ZFHX3: variants seen among roughly 807,000 people sequenced by gnomAD.
ZFHX3 encodes the protein zinc finger homeobox protein 3.
ZFHX3 carries 42 observed loss-of-function variants against 279.1 expected under a neutral mutation model. That is an observed-to-expected ratio of 0.15 (90% CI 0.12 to 0.19). The LOEUF is 0.19. ZFHX3 is among the 10% of genes least tolerant of loss of function. ZFHX3 has a pLI of 1.00. For synonymous variants in ZFHX3, 2,293 were observed against 1,957.8 expected (o/e 1.17, Z -4.52); for missense variants, 4,981 against 4,754.0 (o/e 1.05, Z -1.40).
intron 3 of ZFHX3, among the ~76,000 whole-genome samples, chr16:73,339,450 A>G (rs1328764436): frequency 6.6e-6 from 1 of 152,264 alleles, no homozygotes; most frequent in Admixed American, 6.5e-5. Flanking sequence ...AAATGAACTC[A>G]AATAGTGGTT....
At chr16:73,171,064 C>A (rs1176667477) in intron 5 of ZFHX3, among the ~76,000 whole-genome samples, 3 of 152,144 alleles carry the variant, frequency 2.0e-5, no homozygotes, top group Non-Finnish European at 2.9e-5. Context: ...TTTTCTCCAT[C>A]ATTTGGGAAC....
At chr16:73,210,893 A>T (rs2144909787) in intron 5 of ZFHX3, among the ~76,000 whole-genome samples, 1 of 152,294 alleles carries the variant, frequency 6.6e-6, no homozygotes, top group African/African-American at 2.4e-5. Flanking sequence ...TGGGATGCAC[A>T]GATAGCAAAA....
At chr16:73,179,595 C>G (rs1454091627) in intron 5 of ZFHX3, among the ~76,000 whole-genome samples, 1 of 152,154 alleles carries the variant, frequency 6.6e-6, no homozygotes, top group African/African-American at 2.4e-5. Context: ...AAACTGCTCA[C>G]GTGGAAATTG....
intron 3 of ZFHX3, among the ~76,000 whole-genome samples, chr16:73,422,197 ATT>A (rs34462342): frequency 0.035 from 5,049 of 144,460 alleles, 216 homozygotes; most frequent in South Asian, 0.12. Context: ...TTTTCAGAAG[ATT>A]TTTTTTTTTT....
chr16:73,481,412 C>A (rs1280069030), intron 2 of ZFHX3, among the ~76,000 whole-genome samples: 1 of 151,718 alleles, frequency 6.6e-6, no homozygotes, highest in Non-Finnish European at 1.5e-5. Flanking sequence ...CTCTTCTCCC[C>A]TTACCAAATT....
At chr16:73,596,382 A>G (rs909531845) in intron 2 of ZFHX3, among the ~76,000 whole-genome samples, 12 of 152,078 alleles carry the variant, frequency 7.9e-5, no homozygotes, top group Non-Finnish European at 1.8e-4. Flanking sequence ...TTGCTAAACT[A>G]TAGCTCTGTC....
At chr16:72,977,270 G>A (rs1228703450) in intron 1 of ZFHX3, among the ~76,000 whole-genome samples, 1 of 152,088 alleles carries the variant, frequency 6.6e-6, no homozygotes, top group African/African-American at 2.4e-5. Flanking sequence ...CAGTGCAGCA[G>A]GTTCCAGACG....
At chr16:73,540,962 A>C (rs998768152) in intron 2 of ZFHX3, among the ~76,000 whole-genome samples, 10 of 152,096 alleles carry the variant, frequency 6.6e-5, no homozygotes, top group Admixed American at 6.5e-4. Context: ...CTCTTTTAGA[A>C]TAGATGGTAG....
At chr16:73,721,512 T>G (rs2053473579) in intron 1 of ZFHX3, among the ~76,000 whole-genome samples, 1 of 152,202 alleles carries the variant, frequency 6.6e-6, no homozygotes, top group African/African-American at 2.4e-5. Context: ...TCTGTATTAG[T>G]GAGCTAGGAT....
chr16:72,795,014 C>T lies in ZFHX3; in HGVS notation c.7668G>A (p.Ala2556=), dbSNP rs375390328. ...ACTGGGGGTGGATGAACTGGTTCTG[C>T]GCGCTCAGGAAGTGGAGCTGCTGAT... is the stretch of plus-strand genomic sequence containing the variant. The part of the protein sequence containing the change: ...QEHQQLHFLS[A]QNQFIHPQFL... Residue 2556 remains alanine, a synonymous_variant, in exon 9 of 10, where the codon GCG becomes GCA. Transcript: ENST00000268489. 7.9e-5 allele frequency: 128 copies of T among 1,614,018 alleles called. No homozygotes were observed. Among genetic ancestry groups the T allele is most frequent in the Non-Finnish European group, 9.2e-5 (108 of 1,180,032 alleles).
intron 6 of ZFHX3, among the ~76,000 whole-genome samples, chr16:73,136,360 T>C (rs1966792298): frequency 6.6e-6 from 1 of 152,178 alleles, no homozygotes; most frequent in Admixed American, 6.5e-5. Context: ...TCCAGTTCTT[T>C]GGTTCCCAAA....
chr16:73,819,095 G>A (rs1006312333), intron 1 of ZFHX3, among the ~76,000 whole-genome samples: 1 of 152,080 alleles, frequency 6.6e-6, no homozygotes, highest in South Asian at 2.1e-4. Flanking sequence ...ATGGTACACC[G>A]TGGAGCTAGT....
In ZFHX3 at chr16:72,950,708, T is replaced by C; in HGVS notation, c.2977A>G (p.Thr993Ala). ...SYQCKLCRYN[T>A]QLKANFQLHC... ...AGCTGGAAGTTGGCCTTGAGCTGGG[T>C]GTTGTAGCGGCAGAGCTTGCACTGG... The change falls in exon 3 of 10, where the codon ACC becomes GCC. Residue 993 changes from threonine (T) to alanine (A), a missense_variant. Around this residue, in one of 7 missense-constraint regions of ZFHX3, gnomAD observed 1,751 missense variants for 1,770.0 expected, o/e 0.99. Transcript: ENST00000268489. The C allele has an allele frequency of 6.2e-7, 1 of 1,614,112 alleles. No homozygotes were observed. The highest frequency in any genetic ancestry group is 8.5e-7 in the Non-Finnish European group (1 of 1,180,008).
chr16:73,057,925 G>T (rs1366758428), intron 1 of ZFHX3, among the ~76,000 whole-genome samples: 1 of 148,300 alleles, frequency 6.7e-6, no homozygotes, highest in Non-Finnish European at 1.5e-5. Flanking sequence ...CCGGGTGCGC[G>T]CCCCGCGCGG....
chr16:73,743,969 C>T (rs150160987), intron 1 of ZFHX3, among the ~76,000 whole-genome samples: 16 of 152,274 alleles, frequency 1.1e-4, no homozygotes, highest in Non-Finnish European at 2.2e-4. Context: ...ATGACATCCT[C>T]TCTACATAAC....
At chr16:73,784,376 G>T (rs1381759674) in intron 1 of ZFHX3, among the ~76,000 whole-genome samples, 1 of 151,868 alleles carries the variant, frequency 6.6e-6, no homozygotes, top group Admixed American at 6.6e-5. Context: ...AGCAATACAT[G>T]ATGATCATGG....
Position 73,313,605 on chromosome 16 carries a change from C to T in ZFHX3, c.-1194+4635G>A, listed in dbSNP as rs928301996. On this transcript the variant is annotated intron_variant, in intron 4 of 17. Transcript: ENST00000641206. ...TGAGCGATACACCTGGGTTTTAAAA[C>T]CTGGCACTTCAGACTCCATAGCGGT... Among the ~76,000 whole-genome samples the T allele has an allele frequency of 1.6e-4, 24 of 152,138 alleles. 1 individual carries two copies.
intron 2 of ZFHX3, among the ~76,000 whole-genome samples, chr16:73,540,553 G>A (rs1244853768): frequency 1.3e-5 from 2 of 152,150 alleles, no homozygotes; most frequent in African/African-American, 2.4e-5. Flanking sequence ...GCAGGAAGAG[G>A]ATCAAGAGTT....
intron 4 of ZFHX3, among the ~76,000 whole-genome samples, chr16:72,839,108 A>G (rs1037956033): frequency 1.3e-5 from 2 of 152,164 alleles, no homozygotes; most frequent in African/African-American, 4.8e-5. Context: ...AATGTAAAAA[A>G]GGCAAATTCC....
Sources: gnomAD v4.1 joint callset for allele counts (sites outside exome capture counted in the v4.1 genomes callset) on GRCh38, gnomAD v4.1.1 for gene constraint, gnomAD v4.1.1 regional missense constraint, MANE v1.5 for transcripts, NCBI Gene and HGNC (gene_info 2026-07-23, HGNC 2026-07-21) for gene names.